TMEM163: variants seen among roughly 807,000 people sequenced by gnomAD.
The protein encoded by TMEM163 is transmembrane protein 163.
Under a neutral mutation model 29.3 loss-of-function variants are expected in TMEM163, and 17 were observed. That is an observed-to-expected ratio of 0.58 (90% CI 0.40 to 0.87). TMEM163 has a LOEUF of 0.87. Among genes scored for constraint, TMEM163 ranks in the 40% least tolerant of loss-of-function variants. The pLI, the probability that TMEM163 is intolerant of heterozygous loss-of-function variation, is 0.00. For synonymous variants in TMEM163, 157 were observed against 160.6 expected (o/e 0.98, Z 0.17); for missense variants, 303 against 381.5 (o/e 0.79, Z 1.71).
rs529142796 is a variant in TMEM163 at position 134,657,030 on chromosome 2, A to G, written c.322+56170T>C. Among the ~76,000 whole-genome samples the G allele has an allele frequency of 1.1e-4, 16 of 152,298 alleles. 1 individual carries two copies. The South Asian group carries it at 2.9e-3, about 28-fold the overall frequency. On this transcript the variant is annotated intron_variant, in intron 2 of 7. Coordinates refer to ENST00000281924, the MANE Select transcript of TMEM163 (RefSeq NM_030923.5). ...GTTGAGGATTTTTGCATCTATGTTA[A>G]TAAGGGATATTGGCCTGTAAGAACT...
intron 2 of TMEM163, among the ~76,000 whole-genome samples, chr2:134,633,269 G>A (rs1349819694): frequency 6.6e-6 from 1 of 152,166 alleles, no homozygotes; most frequent in Admixed American, 6.5e-5. Flanking sequence ...GCAAATGCTG[G>A]CCTGGGGTTG....
intron 2 of TMEM163, among the ~76,000 whole-genome samples, chr2:134,558,318 G>A (rs1681092657): frequency 6.6e-6 from 1 of 152,138 alleles, no homozygotes; most frequent in African/African-American, 2.4e-5. Context: ...TGCCTCCCAG[G>A]ATGCTGCGTG....
chr2:134,568,621 GAAAA>G (rs962818978), intron 2 of TMEM163, among the ~76,000 whole-genome samples: 35 of 94,182 alleles, frequency 3.7e-4, no homozygotes, highest in African/African-American at 1.2e-3. Flanking sequence ...GGAAAAGAAA[GAAAA>G]AAGAAAGAAG....
intron 2 of TMEM163, among the ~76,000 whole-genome samples, chr2:134,659,579 CA>C (rs1683702961): frequency 1.3e-5 from 2 of 152,206 alleles, no homozygotes; most frequent in South Asian, 4.1e-4. Flanking sequence ...ACATATTCAC[CA>C]AGTGCCTACT....
At chr2:134,459,178 T>G (rs894788616) in intron 6 of TMEM163, 1 of 152,180 alleles carries the variant, frequency 6.6e-6, no homozygotes, top group African/African-American at 2.4e-5. Context: ...TGGCTTCCCC[T>G]GGGGCAGAGG....
chr2:134,493,008 T>TG (rs1679463400), intron 5 of TMEM163, among the ~76,000 whole-genome samples: 1 of 152,214 alleles, frequency 6.6e-6, no homozygotes, highest in Admixed American at 6.5e-5. Flanking sequence ...ATTTTGGTTT[T>TG]GGGGGGTTTT....
intron 2 of TMEM163, among the ~76,000 whole-genome samples, chr2:134,630,449 C>T (rs1682941883): frequency 6.6e-6 from 1 of 152,062 alleles, no homozygotes; most frequent in Non-Finnish European, 1.5e-5. Context: ...CCTTATTAGG[C>T]CCCTCATATC....
intron 2 of TMEM163, among the ~76,000 whole-genome samples, chr2:134,612,060 C>A (rs1516990): frequency 6.6e-6 from 1 of 152,016 alleles, no homozygotes; most frequent in Non-Finnish European, 1.5e-5. Context: ...AAACCAACAG[C>A]CTTGCCACCA....
chr2:134,521,693 G>A (rs1286338158), intron 4 of TMEM163, among the ~76,000 whole-genome samples: 1 of 152,200 alleles, frequency 6.6e-6, no homozygotes, highest in East Asian at 1.9e-4. Context: ...GCTTGTGAAG[G>A]AGCAATGGTG....
intron 4 of TMEM163, among the ~76,000 whole-genome samples, chr2:134,516,737 A>C (rs2083569): frequency 1.6e-4 from 23 of 147,182 alleles, no homozygotes; most frequent in Admixed American, 4.1e-4. Context: ...ATATGCATAT[A>C]TATGCATATA....
intron 2 of TMEM163, among the ~76,000 whole-genome samples, chr2:134,555,077 C>G (rs1205751015): frequency 6.6e-6 from 1 of 152,152 alleles, no homozygotes; most frequent in Non-Finnish European, 1.5e-5. Flanking sequence ...CCAACTCTTG[C>G]TACTAAATAA....
intron 2 of TMEM163, among the ~76,000 whole-genome samples, chr2:134,603,597 TCC>T (rs1682283585): frequency 6.6e-6 from 1 of 152,102 alleles, no homozygotes; most frequent in African/African-American, 2.4e-5. Context: ...ATATGGCGGC[TCC>T]TCAAGACCCA....
intron 2 of TMEM163, among the ~76,000 whole-genome samples, chr2:134,656,001 C>T (rs371075328): frequency 1.5e-5 from 2 of 132,238 alleles, no homozygotes; most frequent in African/African-American, 6.7e-5. Context: ...CTGTCTTTTC[C>T]TTTGTCTGTG....
chr2:134,463,113 G>C (rs566108372), intron 6 of TMEM163, among the ~76,000 whole-genome samples: 33 of 152,302 alleles, frequency 2.2e-4, no homozygotes, highest in African/African-American at 6.5e-4. Context: ...CCTGTTCCAG[G>C]TGAGGAGACA....
chr2:134,712,508 G>A (rs1172853758), intron 2 of TMEM163, among the ~76,000 whole-genome samples: 6 of 151,726 alleles, frequency 4.0e-5, no homozygotes, highest in Non-Finnish European at 8.8e-5. Flanking sequence ...AGGTTGAGCT[G>A]TAACTGACAC....
chr2:134,606,700 A>T (rs142481111), intron 2 of TMEM163, among the ~76,000 whole-genome samples: 15 of 152,324 alleles, frequency 9.8e-5, no homozygotes, highest in Non-Finnish European at 1.8e-4. Context: ...GAAGACAGGG[A>T]AAATCAAGAG....
At chr2:134,482,746 A>C (rs982564980) in intron 5 of TMEM163, among the ~76,000 whole-genome samples, 5 of 152,158 alleles carry the variant, frequency 3.3e-5, no homozygotes, top group African/African-American at 1.2e-4. Flanking sequence ...TATATTGACA[A>C]GTTACCGTGG....
Position 134,511,157 on chromosome 2 carries a change from G to GGGGA in TMEM163, c.459-8161_459-8160insTCCC, listed in dbSNP as rs200850509. The stretch of plus-strand genomic sequence containing the variant: ...AGAAAAAAGGGGAGAACAAGGCGGG[G>GGGGA]GGGGGTGCTGTTACTTTATATCCAG... On this transcript the variant is annotated intron_variant, in intron 4 of 7. Transcript: ENST00000281924. Among the ~76,000 whole-genome samples, 291 of 150,882 alleles carry GGGGA rather than the reference G, an allele frequency of 1.9e-3. 16 individuals carry two copies. Among genetic ancestry groups the GGGGA allele is most frequent in the African/African-American group, 6.5e-3 (267 of 40,786 alleles).
intron 2 of TMEM163, among the ~76,000 whole-genome samples, chr2:134,700,736 T>C (rs1271537861): frequency 6.6e-6 from 1 of 151,756 alleles, no homozygotes; most frequent in East Asian, 1.9e-4. Flanking sequence ...CCATCTCTAC[T>C]AAAAATACAA....
Sources: gnomAD v4.1 joint callset for allele counts (sites outside exome capture counted in the v4.1 genomes callset) on GRCh38, gnomAD v4.1.1 for gene constraint, MANE v1.5 for transcripts, NCBI Gene and HGNC (gene_info 2026-07-23, HGNC 2026-07-21) for gene names.